Variants in FOXK2 observed in about 807,000 individuals in gnomAD.
FOXK2 encodes forkhead box K2, also known as forkhead box protein K2.
FOXK2 carries 24 observed loss-of-function variants against 53.3 expected under a neutral mutation model. That is an observed-to-expected ratio of 0.45 (90% CI 0.33 to 0.63). The LOEUF is 0.63. FOXK2 is among the 30% of genes least tolerant of loss of function. The pLI is 0.03. For missense variants in FOXK2, 952 were observed against 910.5 expected (o/e 1.05, Z -0.59); for synonymous variants, 505 against 407.1 (o/e 1.24, Z -2.89).
chr17:82,563,666 T>G, intron 2 of FOXK2, 118 bp downstream of exon 2: 1 of 831,252 alleles, frequency 1.2e-6, no homozygotes, highest in Non-Finnish European at 1.8e-6. Flanking sequence ...AGGTGGTGTT[T>G]AAAATATCAT....
chr17:82,560,678 CA>C (rs564397665), intron 1 of FOXK2, among the ~76,000 whole-genome samples: 142 of 152,202 alleles, frequency 9.3e-4, no homozygotes, highest in African/African-American at 3.3e-3. Flanking sequence ...CTTTATAGAC[CA>C]AAAGATCGTT....
At chr17:82,530,642 C>T (rs889830150) in intron 1 of FOXK2, among the ~76,000 whole-genome samples, 79 of 151,512 alleles carry the variant, frequency 5.2e-4, no homozygotes, top group African/African-American at 1.7e-3. Flanking sequence ...TCCCGAGTAG[C>T]TGGGATTACA....
chr17:82,589,297 C>T (rs909663997), intron 8 of FOXK2, among the ~76,000 whole-genome samples: 6 of 152,174 alleles, frequency 3.9e-5, no homozygotes, highest in Non-Finnish European at 5.9e-5. Flanking sequence ...TGTCTGTGGC[C>T]TGGTCTTTCC....
At chr17:82,585,797 A>T in intron 6 of FOXK2, 107 bp from the exon 7 acceptor site, 3 of 1,109,020 alleles carry the variant, frequency 2.7e-6, no homozygotes, top group Non-Finnish European at 3.9e-6. Context: ...GCCATATCCT[A>T]TATTTTAAAT....
In FOXK2 at chr17:82,602,336, G is replaced by A. The variant is rs1358245795; in HGVS notation, c.*837G>A. The A allele has an allele frequency of 6.6e-6, 1 of 152,178 alleles. No homozygotes were observed. Among genetic ancestry groups the A allele is most frequent in the African/African-American group, 2.4e-5 (1 of 41,428 alleles). 9.4% of individuals were successfully genotyped at this position (152,178 alleles called of 1,614,324 possible). A position where few individuals can be genotyped will look rare whatever the true frequency, so the allele number is the denominator to read the frequency against. On this transcript the variant is annotated 3_prime_UTR_variant, in exon 9 of 9. Transcript: ENST00000335255. ...GCTATTTTTTGTTGTTTGTTTCTTT[G>A]TGTTGACTTTGTCCCTGGCAAAATT... is the stretch of plus-strand genomic sequence containing the variant.
intron 1 of FOXK2, among the ~76,000 whole-genome samples, chr17:82,550,481 G>A (rs1346070696): frequency 6.6e-6 from 1 of 150,920 alleles, no homozygotes; most frequent in African/African-American, 2.4e-5. Context: ...TAAACTCCAT[G>A]CCTGGCCCTT....
Position 82,583,384 on chromosome 17 carries a change from A to C in FOXK2, c.1103+450A>C, listed in dbSNP as rs143250894. On this transcript the variant is annotated intron_variant, in intron 5 of 8. Transcript: ENST00000335255. ...ATATGGTCAAACCCCGTCTCTACTA[A>C]AAATACAAAAAAATTAGCCGGGCGC... is the stretch of plus-strand genomic sequence containing the variant. Among the ~76,000 whole-genome samples the C allele has an allele frequency of 1.1e-3, 168 of 152,250 alleles. 1 individual carries two copies. Among genetic ancestry groups the C allele is most frequent in the African/African-American group, 3.9e-3 (162 of 41,564 alleles).
intron 1 of FOXK2, among the ~76,000 whole-genome samples, chr17:82,563,149 C>T (rs528950644): frequency 1.3e-5 from 2 of 152,100 alleles, no homozygotes; most frequent in South Asian, 2.1e-4. Flanking sequence ...GTCTAAGTAG[C>T]GTTTTCTTAC....
At chr17:82,566,507 G>A (rs1197540279) in intron 2 of FOXK2, among the ~76,000 whole-genome samples, 4 of 152,138 alleles carry the variant, frequency 2.6e-5, no homozygotes, top group Non-Finnish European at 4.4e-5. Flanking sequence ...AGTCAGTCCT[G>A]CCGCCCAGTG....
intron 1 of FOXK2, among the ~76,000 whole-genome samples, chr17:82,546,116 T>TG (rs1039450423): frequency 1.0e-5 from 1 of 97,518 alleles, no homozygotes; most frequent in African/African-American, 3.3e-5. Context: ...CATGGTTGGT[T>TG]TTTTTTTTTT....
rs965012795 is a variant in FOXK2 at position 82,603,060 on chromosome 17, G to C, written c.*1561G>C. 5 of 152,718 alleles carry C rather than the reference G, an allele frequency of 3.3e-5. No homozygotes were observed. The highest frequency in any genetic ancestry group is 1.2e-4 in the African/African-American group (5 of 41,576). 9.5% of individuals were successfully genotyped at this position (152,718 alleles called of 1,614,324 possible). On this transcript the variant is annotated 3_prime_UTR_variant, in exon 9 of 9. Transcript: ENST00000335255. ...ATATGATGAATCTGTTCCGTGAATT[G>C]TGTCGGCCCTCAGCATGGGGCTGGG...
At chr17:82,587,328 C>G in intron 8 of FOXK2, 56 bp downstream of exon 8, 1 of 1,353,512 alleles carries the variant, frequency 7.4e-7, no homozygotes. Context: ...AGCAGAGCCC[C>G]TTCTCACTCG....
chr17:82,566,851 C>G (rs2044857974), intron 2 of FOXK2, among the ~76,000 whole-genome samples: 1 of 152,244 alleles, frequency 6.6e-6, no homozygotes, highest in South Asian at 2.1e-4. Flanking sequence ...ACCTGACTTT[C>G]CAAACCTGCC....
intron 1 of FOXK2, among the ~76,000 whole-genome samples, chr17:82,523,246 ACT>A (rs151024770): frequency 0.031 from 4,638 of 152,024 alleles, 98 homozygotes; most frequent in Non-Finnish European, 0.044. Context: ...TGGGCCTGGG[ACT>A]CTCTACCCGT....
In FOXK2 at chr17:82,603,941, T is replaced by A. The variant is rs2045417909; in HGVS notation, c.*2442T>A. Reference sequence around the variant, plus strand: ...CACACCGGGTTTTCTTGCCCGTCTTTAAGGCACTGTTTCTAAATTTTGAAC... The same window carrying A: ...CACACCGGGTTTTCTTGCCCGTCTTAAAGGCACTGTTTCTAAATTTTGAAC... On this transcript the variant is annotated 3_prime_UTR_variant, in exon 9 of 9. Transcript: ENST00000335255. 6.6e-6 allele frequency: 1 copy of A among 152,222 alleles called. No homozygotes were observed. The highest frequency in any genetic ancestry group is 2.4e-5 in the African/African-American group (1 of 41,460). The allele number at this position is 152,222 out of a possible 1,614,324, so 9.4% of individuals were successfully genotyped here. A position where few individuals can be genotyped will look rare whatever the true frequency, so the allele number is the denominator to read the frequency against.
chr17:82,542,200 C>T (rs563828538), intron 1 of FOXK2, among the ~76,000 whole-genome samples: 12 of 133,464 alleles, frequency 9.0e-5, no homozygotes, highest in South Asian at 7.3e-4. Flanking sequence ...TCGTTCTTGT[C>T]GCCCAGGCTG....
At position 82,520,211 on chromosome 17, in the gene FOXK2, G is replaced by T; in HGVS notation, c.323G>T (p.Gly108Val). The change falls in exon 1 of 9, where the codon GGC (glycine) becomes GTC (valine). Residue 108 changes from glycine to valine, a missense_variant. By Grantham distance (109) the Gly-to-Val change is moderately radical (BLOSUM62 -3). Around this residue, in one of 5 missense-constraint regions of FOXK2, gnomAD observed 163 missense variants for 165.5 expected, o/e 0.98. Transcript: ENST00000335255. ...CCCGCGCAGCCCAGGCCCGACGCCG[G>T]CGGCGACTTCTACCTGCGCTGCTTG... ...LPPAQPRPDA[G>V]GDFYLRCLGK... is the part of the protein sequence containing the mutation. 7.5e-7 allele frequency: 1 copy of T among 1,327,934 alleles called. No individual in the cohort carries two copies. The highest frequency in any genetic ancestry group is 4.1e-5 in the Admixed American group (1 of 24,126). The allele number at this position is 1,327,934 out of a possible 1,614,324, so 82.3% of individuals were successfully genotyped here.
intron 1 of FOXK2, among the ~76,000 whole-genome samples, chr17:82,548,223 A>G (rs1194883437): frequency 2.6e-5 from 4 of 152,226 alleles, no homozygotes; most frequent in Admixed American, 2.6e-4. Flanking sequence ...TTTCCAGAGC[A>G]GTTGCACCAG....
Position 82,586,107 on chromosome 17 carries a change from A to G in FOXK2, c.1483A>G (p.Thr495Ala), listed in dbSNP as rs2045139367. ...VAGLAPANTY[T>A]VSGQAVVTPA... ...CGGACTGGCCCCAGCGAACACGTAC[A>G]CTGTCTCTGGACAAGCTGTGGTCAC... Residue 495 changes from threonine (T) to alanine (A), a missense_variant, in exon 7 of 9, where the codon ACT becomes GCT. This residue lies in a region of FOXK2 where 551 missense variants were observed against 385.1 expected (regional missense o/e 1.43). Transcript: ENST00000335255. 1 of 1,612,668 alleles carries G rather than the reference A, an allele frequency of 6.2e-7. No homozygotes were observed. The highest frequency in any genetic ancestry group is 1.1e-5 in the South Asian group (1 of 91,078).
Sources: gnomAD v4.1 joint callset for allele counts (sites outside exome capture counted in the v4.1 genomes callset) on GRCh38, gnomAD v4.1.1 for gene constraint, gnomAD v4.1.1 regional missense constraint, MANE v1.5 for transcripts, NCBI Gene and HGNC (gene_info 2026-07-23, HGNC 2026-07-21) for gene names.